The following MASP1 variants were observed in gnomAD, a reference collection of about 807,000 sequenced individuals.
MASP1 encodes the protein mannan-binding lectin serine protease 1.
MASP1 carries 59 observed loss-of-function variants against 77.1 expected under a neutral mutation model. That is an observed-to-expected ratio of 0.77 (90% CI 0.62 to 0.95). The LOEUF is 0.95. Ranked by LOEUF, MASP1 falls within the 40% of genes least tolerant of loss-of-function variation. The pLI is 0.00. For synonymous variants in MASP1, 362 were observed against 354.5 expected (o/e 1.02, Z -0.24); for missense variants, 885 against 912.9 (o/e 0.97, Z 0.39).
chr3:187,258,105 T>A (rs1019843609), intron 4 of MASP1, among the ~76,000 whole-genome samples: 1 of 152,244 alleles, frequency 6.6e-6, no homozygotes, highest in Non-Finnish European at 1.5e-5. Context: ...CTAACGATGC[T>A]ACAAAGTTTT....
chr3:187,291,003 T>C (rs1718279134), intron 1 of MASP1, among the ~76,000 whole-genome samples: 1 of 151,896 alleles, frequency 6.6e-6, no homozygotes, highest in Non-Finnish European at 1.5e-5. Context: ...AAGTATGATA[T>C]CTCTTTAAGA....
Position 187,235,527 on chromosome 3 carries a change from C to G in MASP1, c.*157G>C, listed in dbSNP as rs1256884870. On this transcript the variant is annotated 3_prime_UTR_variant, in exon 11 of 11. Transcript: ENST00000296280. ...TGGAGCCTTTTCCCTATACCACACTCTGCCTCTCAGGGTCCTGGGGGCTGT... is the reference window on the plus strand; with the variant it reads ...TGGAGCCTTTTCCCTATACCACACTGTGCCTCTCAGGGTCCTGGGGGCTGT... 3 of 1,534,396 alleles carry G rather than the reference C, an allele frequency of 2.0e-6. No homozygotes were observed. In the South Asian group the frequency reaches 3.6e-5, roughly 18 times the overall value.
chr3:187,252,022 A>C (rs1714652402), intron 6 of MASP1, among the ~76,000 whole-genome samples: 1 of 152,224 alleles, frequency 6.6e-6, no homozygotes, highest in African/African-American at 2.4e-5. Context: ...GTTAAATGTC[A>C]TTAAATCCAA....
chr3:187,254,457 C>T (rs527777648), intron 5 of MASP1, among the ~76,000 whole-genome samples: 5 of 152,158 alleles, frequency 3.3e-5, no homozygotes, highest in African/African-American at 7.2e-5. Flanking sequence ...AAGAGCTTGC[C>T]TAGTGTTAGG....
At chr3:187,268,677 T>G (rs1054181590) in intron 2 of MASP1, among the ~76,000 whole-genome samples, 1 of 152,236 alleles carries the variant, frequency 6.6e-6, no homozygotes, top group African/African-American at 2.4e-5. Context: ...GGCAATGTAC[T>G]TCAGGAAGAA....
intron 2 of MASP1, among the ~76,000 whole-genome samples, chr3:187,283,226 C>T (rs1717579562): frequency 6.6e-6 from 1 of 152,188 alleles, no homozygotes; most frequent in Non-Finnish European, 1.5e-5. Context: ...TATTCTCTAG[C>T]CAAGAAAGTC....
chr3:187,243,246 TAAAAAC>T (rs537877810), intron 9 of MASP1: 7 of 543,334 alleles, frequency 1.3e-5, no homozygotes, highest in Admixed American at 3.1e-5. Context: ...GCTTTAAAGT[TAAAAAC>T]AAAAAAGCCT....
intron 1 of MASP1, 87 bp downstream of exon 1, chr3:187,291,541 G>A (rs1718333932): frequency 6.5e-7 from 1 of 1,545,598 alleles, no homozygotes; most frequent in African/African-American, 1.4e-5. Context: ...ACGCAGGTGA[G>A]TCTGTCAGTG....
At position 187,251,456 on chromosome 3, in the gene MASP1, G is replaced by C. The variant is rs1579515071; in HGVS notation, c.1011+178C>G. On this transcript the variant is annotated intron_variant, in intron 7 of 10. Coordinates refer to ENST00000296280, the MANE Select transcript of MASP1 (RefSeq NM_139125.4). ...AACTTTTGTGCCACTTTCAGAGTGT[G>C]AGACCGCCTGGGACGCATGCTTTGG... 9 of 606,430 alleles carry C rather than the reference G, an allele frequency of 1.5e-5. No individual in the cohort carries two copies. In the East Asian group the frequency reaches 2.3e-4, roughly 15 times the overall value. The allele number at this position is 606,430 out of a possible 1,614,324, so 37.6% of individuals were successfully genotyped here.
intron 2 of MASP1, chr3:187,262,929 G>T (rs1338307311): frequency 1.8e-6 from 1 of 552,192 alleles, no homozygotes; most frequent in Non-Finnish European, 3.2e-6. Flanking sequence ...GTCTTATTTA[G>T]TTCCATTAGA....
Position 187,243,564 on chromosome 3 carries a change from C to G in MASP1, c.1148G>C (p.Arg383Thr). ...AGACTTGTATGTGGTGAGGTTGTTC[C>G]TTGTAGAGAAGGTGATCAGCCCGTG... ...LEHGLITFST[R>T]NNLTTYKSEI... The change falls in exon 9 of 11, where the codon AGG (arginine) becomes ACG (threonine). Residue 383 changes from arginine to threonine, a missense_variant. Arg to Thr is a moderately conservative substitution (Grantham distance 71). Coordinates refer to ENST00000296280, the MANE Select transcript of MASP1 (RefSeq NM_139125.4). 1 of 1,614,140 alleles carries G rather than the reference C, an allele frequency of 6.2e-7. No individual in the cohort carries two copies. Among genetic ancestry groups the G allele is most frequent in the Non-Finnish European group, 8.5e-7 (1 of 1,180,042 alleles).
At chr3:187,225,480 T>G in exon 13 of MASP1, 1 of 1,614,134 alleles carries the variant, frequency 6.2e-7, no homozygotes, top group Non-Finnish European at 8.5e-7. Flanking sequence ...TGCTGTTCAT[T>G]TTCATCTGAC....
chr3:187,262,170 C>T (rs1158735935), intron 3 of MASP1, among the ~76,000 whole-genome samples: 1 of 152,040 alleles, frequency 6.6e-6, no homozygotes, highest in Non-Finnish European at 1.5e-5. Context: ...CACACAAATA[C>T]AGATTTTTCA....
intron 1 of MASP1, 46 bp from the exon 2 acceptor site, chr3:187,286,102 C>G (rs1315937952): frequency 6.9e-7 from 1 of 1,440,038 alleles, no homozygotes; most frequent in Non-Finnish European, 9.8e-7. Flanking sequence ...AAACACAGGC[C>G]CCTGCCATTC....
rs1714622835 is a variant in MASP1, at chr3:187,251,732, G to A, written c.913C>T (p.Gln305Ter). 1.2e-6 allele frequency: 2 copies of A among 1,614,028 alleles called. No individual in the cohort carries two copies. The highest frequency in any genetic ancestry group is 1.7e-6 in the Non-Finnish European group (2 of 1,179,908). The change falls in exon 7 of 11, where the codon CAG becomes TAG. Residue 305 changes from glutamine (Q) to a stop codon, truncating the protein, a stop_gained. Coordinates refer to ENST00000296280, the MANE Select transcript of MASP1 (RefSeq NM_139125.4). LOFTEE classifies it high-confidence loss of function. Reference sequence around the variant, plus strand: ...TCGATTTTCCCATGGACAGGAGGCTGTAGCTCTGGGCACTCATTTCCTGGT... The same window carrying A: ...TCGATTTTCCCATGGACAGGAGGCTATAGCTCTGGGCACTCATTTCCTGGT... ...RAAGNECPEL[Q>*]PPVHGKIEPS...
At chr3:187,263,000 C>A in intron 2 of MASP1, 1 of 409,558 alleles carries the variant, frequency 2.4e-6, no homozygotes, top group Non-Finnish European at 4.4e-6. Context: ...AAAAATAACT[C>A]AATATGAAAG....
chr3:187,224,340 ATTTTTTTTTTTTTTTT>A (rs1181826969), intron 13 of MASP1, among the ~76,000 whole-genome samples: 2 of 102,064 alleles, frequency 2.0e-5, no homozygotes, highest in African/African-American at 3.9e-5. Flanking sequence ...TGTGCTGAGT[ATTTTTTTTTTTTTTTT>A]TTTTTTTTGA....
At chr3:187,229,623 C>T (rs72549161), downstream of MASP1, 12,151 of 1,179,088 alleles carry the variant, frequency 0.01, 129 homozygotes, top group Non-Finnish European at 0.011. Context: ...CCAGTCTAGC[C>T]GAGAACTCTT....
chr3:187,219,935 C>A, exon 16 of MASP1: 1 of 843,614 alleles, frequency 1.2e-6, no homozygotes. Flanking sequence ...AAGATACCTG[C>A]TCTATTGCCC....
Sources: allele counts gnomAD v4.1 joint callset (sites outside exome capture counted in the v4.1 genomes callset), GRCh38; gene constraint gnomAD v4.1.1; transcripts MANE v1.5; gene names NCBI Gene and HGNC (gene_info 2026-07-23, HGNC 2026-07-21).